ATP8B2: variants seen among roughly 807,000 people sequenced by gnomAD.
The protein encoded by ATP8B2 is ATPase phospholipid transporting 8B2.
In ATP8B2, 70 loss-of-function variants were observed where a neutral mutation model predicts 133.4. That is an observed-to-expected ratio of 0.52 (90% CI 0.43 to 0.64). The LOEUF is 0.64. ATP8B2 is among the 30% of genes least tolerant of loss of function. ATP8B2 has a pLI of 0.00. For synonymous variants in ATP8B2, 517 were observed against 589.5 expected (o/e 0.88, Z 1.78); for missense variants, 1,101 against 1,535.7 (o/e 0.72, Z 4.73).
chr1:154,340,817 T>G lies in ATP8B2; in HGVS notation c.1035-37T>G, dbSNP rs777720286. 2 of 1,606,068 alleles carry G rather than the reference T, an allele frequency of 1.2e-6. No homozygotes were observed. The highest frequency in any genetic ancestry group is 8.5e-7 in the Non-Finnish European group (1 of 1,173,528). ...CATGTGGGTGGGGCACCTCCTCTTC[T>G]TCCCGACCCAAGCCTCACCTCTTGT... On this transcript the variant is annotated intron_variant, in intron 12 of 27. Transcript: ENST00000368489. This position sits in a 1 kb window ranked among gnomAD's most constrained non-coding sequence, Gnocchi z 4.0.
intron 26 of ATP8B2, among the ~76,000 whole-genome samples, chr1:154,347,156 C>T (rs1686612026): frequency 6.6e-6 from 1 of 152,212 alleles, no homozygotes; most frequent in African/African-American, 2.4e-5. Flanking sequence ...TCCCAAAGTG[C>T]TGGGATTACA....
chr1:154,333,004 G>C (rs973015817), intron 9 of ATP8B2, among the ~76,000 whole-genome samples: 1 of 152,146 alleles, frequency 6.6e-6, no homozygotes, highest in Non-Finnish European at 1.5e-5. Flanking sequence ...AAACCATACA[G>C]AGTGTATAAG....
Position 154,334,316 on chromosome 1 carries a change from CCTCA to C in ATP8B2, c.748+56_748+59del. 1 of 1,602,918 alleles carries C rather than the reference CCTCA, an allele frequency of 6.2e-7. No homozygotes were observed. Among genetic ancestry groups the C allele is most frequent in the Non-Finnish European group, 8.5e-7 (1 of 1,171,448 alleles). On this transcript the variant is annotated intron_variant, in intron 10 of 27. Transcript: ENST00000368489. This position sits in a 1 kb window ranked among gnomAD's most constrained non-coding sequence, Gnocchi z 4.6. ...GAAGGGTAAGAGTGACTCAGCCAGC[CCTCA>C]CTCAGGAGTATGGGATGAGGTGGGA...
At position 154,340,287 on chromosome 1, in the gene ATP8B2, G is replaced by A. The variant is rs1381092627; in HGVS notation, c.1035-567G>A. The stretch of plus-strand genomic sequence containing the variant: ...CCTCTGGAGTCAGCACCTCAGCCCT[G>A]CCCGGTGTTCAGAATCAGGAATGTA... On this transcript the variant is annotated intron_variant, in intron 12 of 27. Coordinates refer to ENST00000368489, the MANE Select transcript of ATP8B2 (RefSeq NM_001370597.1). The surrounding 1 kb of genome is among the most constrained non-coding windows in gnomAD (Gnocchi z 4.0). Among the ~76,000 whole-genome samples the A allele has an allele frequency of 6.6e-6, 1 of 152,118 alleles. No homozygotes were observed. Among genetic ancestry groups the A allele is most frequent in the Non-Finnish European group, 1.5e-5 (1 of 68,014 alleles).
rs902210428 is a variant in ATP8B2 at position 154,351,186 on chromosome 1, T to C, written c.*2068T>C. ...TTTAGGGAGGGAAGAAAGTACCAAG[T>C]TGCATTGAGCTGTAATTAAGGAACA... On this transcript the variant is annotated 3_prime_UTR_variant, in exon 28 of 28. Transcript: ENST00000368489. 2.6e-5 allele frequency: 4 copies of C among 151,666 alleles called. No homozygotes were observed. Among genetic ancestry groups the C allele is most frequent in the African/African-American group, 7.3e-5 (3 of 41,272 alleles). 9.4% of individuals were successfully genotyped at this position (151,666 alleles called of 1,614,324 possible).
chr1:154,330,521 A>G, intron 3 of ATP8B2, 67 bp downstream of exon 3: 1 of 1,536,094 alleles, frequency 6.5e-7, no homozygotes, highest in Non-Finnish European at 9.0e-7. Context: ...AGGACAACCT[A>G]CCGTTGGGAC....
rs775485797 is a variant in ATP8B2 at position 154,348,988 on chromosome 1, G to A, written c.3443G>A (p.Arg1148Gln). ...GELIMSGKNMRLSSLALSSFT... is the reference protein window; with the variant it reads ...GELIMSGKNMQLSSLALSSFT... Reference sequence around the variant, plus strand: ...CTCATCATGTCTGGCAAGAACATGCGGCTGAGCTCTCTCGCGCTCTCCAGC... The same window carrying A: ...CTCATCATGTCTGGCAAGAACATGCAGCTGAGCTCTCTCGCGCTCTCCAGC... Residue 1148 changes from arginine (R) to glutamine (Q), a missense_variant, in exon 28 of 28, where the codon CGG becomes CAG. Transcript: ENST00000368489. The A allele has an allele frequency of 7.4e-6, 12 of 1,614,126 alleles. No homozygotes were observed. The highest frequency in any genetic ancestry group is 1.0e-5 in the Non-Finnish European group (12 of 1,180,050).
intron 1 of ATP8B2, among the ~76,000 whole-genome samples, chr1:154,326,792 C>T (rs1430995819): frequency 2.6e-5 from 4 of 152,222 alleles, no homozygotes; most frequent in Non-Finnish European, 4.4e-5. Context: ...TCCCCAAGGG[C>T]GGGGCTGCCT....
intron 8 of ATP8B2, among the ~76,000 whole-genome samples, 199 bp from the exon 9 acceptor site, chr1:154,332,419 G>A (rs1435082797): frequency 6.6e-6 from 1 of 152,174 alleles, no homozygotes; most frequent in Non-Finnish European, 1.5e-5. Context: ...AGCTGGGTAT[G>A]GTGGTTTTAA....
chr1:154,336,875 A>G (rs1686203279), intron 11 of ATP8B2, among the ~76,000 whole-genome samples: 1 of 150,010 alleles, frequency 6.7e-6, no homozygotes, highest in African/African-American at 2.5e-5. Context: ...GCTCACTGCA[A>G]TGTCTGCCTC....
Position 154,345,708 on chromosome 1 carries a change from A to G in ATP8B2, c.2695-92A>G. The G allele has an allele frequency of 1.4e-6, 2 of 1,380,218 alleles. No homozygotes were observed. Among genetic ancestry groups the G allele is most frequent in the Non-Finnish European group, 2.0e-6 (2 of 978,620 alleles). The allele number at this position is 1,380,218 out of a possible 1,614,324, so 85.5% of individuals were successfully genotyped here. A position where few individuals can be genotyped will look rare whatever the true frequency, so the allele number is the denominator to read the frequency against. On this transcript the variant is annotated intron_variant, in intron 23 of 27. Coordinates refer to ENST00000368489, the MANE Select transcript of ATP8B2 (RefSeq NM_001370597.1). This position sits in a 1 kb window ranked among gnomAD's most constrained non-coding sequence, Gnocchi z 5.6. ...GAGAAGGAGCCTCAGAAAATTTCTT[A>G]GGGTTCTCTGTATGTGACATCAGCT...
chr1:154,348,934 C>A lies in ATP8B2; in HGVS notation c.3389C>A (p.Ala1130Asp), dbSNP rs781524491. 3 of 1,614,248 alleles carry A rather than the reference C, an allele frequency of 1.9e-6. No homozygotes were observed. The South Asian group carries it at 3.3e-5, about 18-fold the overall frequency. ...GRTGSRRSGY[A>D]FSHQEGFGEL... ...ACTGGCTCCCGGCGCTCCGGCTATG[C>A]CTTCTCCCATCAGGAGGGCTTCGGG... The change falls in exon 28 of 28, where the codon GCC becomes GAC. Residue 1130 changes from alanine to aspartate, a missense_variant. Physicochemically the swap from Ala to Asp is moderately radical, Grantham distance 126 (BLOSUM62 -2). Transcript: ENST00000368489.
Position 154,332,714 on chromosome 1 carries a change from G to A in ATP8B2, c.589+17G>A. Reference sequence around the variant, plus strand: ...AGTTTGACGGTGAGTAATTTTGGAGGAGCAGCCTGAAGGTAGAGGAGTGGG... The same window carrying A: ...AGTTTGACGGTGAGTAATTTTGGAGAAGCAGCCTGAAGGTAGAGGAGTGGG... On this transcript the variant is annotated intron_variant, in intron 9 of 27. Transcript: ENST00000368489. 6.5e-7 allele frequency: 1 copy of A among 1,548,506 alleles called. No homozygotes were observed. The highest frequency in any genetic ancestry group is 1.2e-5 in the South Asian group (1 of 84,548).
chr1:154,348,476 A>G lies in ATP8B2; in HGVS notation c.3232A>G (p.Ile1078Val), dbSNP rs1235716218. 1.2e-6 allele frequency: 2 copies of G among 1,614,154 alleles called. No individual in the cohort carries two copies. Among genetic ancestry groups the G allele is most frequent in the Non-Finnish European group, 1.7e-6 (2 of 1,179,998 alleles). The stretch of plus-strand genomic sequence containing the variant: ...CATTGTGCTCACCACAGTCGTCTGC[A>G]TCATGCCCGTGGTTGCCTTCCGATT... Reference protein sequence around the residue: ...LTIVLTTVVCIMPVVAFRFLR... With the variant: ...LTIVLTTVVCVMPVVAFRFLR... The change falls in exon 27 of 28, where the codon ATC becomes GTC. Residue 1078 changes from isoleucine to valine, a missense_variant. Physicochemically the swap from Ile to Val is conservative, Grantham distance 29. Transcript: ENST00000368489.
chr1:154,328,136 G>A lies in ATP8B2; in HGVS notation c.-6G>A, dbSNP rs137982965. On this transcript the variant is annotated 5_prime_UTR_variant, in exon 2 of 28. The change creates a premature stop within an existing upstream ORF in the 5' untranslated region. Coordinates refer to ENST00000368489, the MANE Select transcript of ATP8B2 (RefSeq NM_001370597.1). The surrounding 1 kb of genome is among the most constrained non-coding windows in gnomAD (Gnocchi z 4.6). The stretch of plus-strand genomic sequence containing the variant: ...CCATGGGATTGCTGGGATCTTGCTG[G>A]GTGAGATGGCAGTGTGTGCAAAAAA... 7 of 1,614,014 alleles carry A rather than the reference G, an allele frequency of 4.3e-6. No individual in the cohort carries two copies. The highest frequency in any genetic ancestry group is 1.3e-5 in the African/African-American group (1 of 74,896).
At position 154,340,093 on chromosome 1, in the gene ATP8B2, T is replaced by C. The variant is rs1686326852; in HGVS notation, c.1035-761T>C. Among the ~76,000 whole-genome samples the C allele has an allele frequency of 6.6e-6, 1 of 152,110 alleles. No homozygotes were observed. Among genetic ancestry groups the C allele is most frequent in the Non-Finnish European group, 1.5e-5 (1 of 68,012 alleles). ...TACTAGGGAGGCTGAGGTGGGAGGA[T>C]TGCTTGAGCCCAGGAGTTTGAGGCT... On this transcript the variant is annotated intron_variant, in intron 12 of 27. Transcript: ENST00000368489. The surrounding 1 kb of genome is among the most constrained non-coding windows in gnomAD (Gnocchi z 4.0).
In ATP8B2 at chr1:154,331,529, G is replaced by A. The variant is rs780529418; in HGVS notation, c.365+24G>A. The stretch of plus-strand genomic sequence containing the variant: ...ATGTGAGTGCCTGTTGGAGACAAGA[G>A]CTCTGGGGACGAAGGGGGTCCCTTA... On this transcript the variant is annotated intron_variant, in intron 6 of 27. Coordinates refer to ENST00000368489, the MANE Select transcript of ATP8B2 (RefSeq NM_001370597.1). This position sits in a 1 kb window ranked among gnomAD's most constrained non-coding sequence, Gnocchi z 4.8. The A allele has an allele frequency of 1.1e-5, 17 of 1,613,994 alleles. No individual in the cohort carries two copies. Among genetic ancestry groups the A allele is most frequent in the Middle Eastern group, 1.7e-4 (1 of 6,054 alleles).
chr1:154,345,215 G>A lies in ATP8B2; in HGVS notation c.2470+61G>A. 2.5e-6 allele frequency: 4 copies of A among 1,600,644 alleles called. No homozygotes were observed. The highest frequency in any genetic ancestry group is 3.4e-6 in the Non-Finnish European group (4 of 1,171,404). On this transcript the variant is annotated intron_variant, in intron 22 of 27. Transcript: ENST00000368489. The surrounding 1 kb of genome is among the most constrained non-coding windows in gnomAD (Gnocchi z 5.6). ...TGAGGCTGGGGAGGGGCCCACTGAG[G>A]TCTCTGGACTGCAGAAGAATGACGG...
chr1:154,336,561 C>T (rs968327419), intron 11 of ATP8B2, among the ~76,000 whole-genome samples: 2 of 149,678 alleles, frequency 1.3e-5, no homozygotes, highest in Non-Finnish European at 2.9e-5. Context: ...TATCTCGGCT[C>T]ACTGCAACCT....
Sources: allele counts gnomAD v4.1 joint callset (sites outside exome capture counted in the v4.1 genomes callset), GRCh38; gene constraint gnomAD v4.1.1; non-coding constraint Gnocchi (gnomAD v3.1); transcripts MANE v1.5; gene names NCBI Gene and HGNC (gene_info 2026-07-23, HGNC 2026-07-21).